PDZRN3: variants seen among roughly 807,000 people sequenced by gnomAD.
PDZRN3 encodes the protein PDZ domain containing ring finger 3.
PDZRN3 carries 38 observed loss-of-function variants against 85.7 expected under a neutral mutation model. That is an observed-to-expected ratio of 0.44 (90% CI 0.34 to 0.58). The LOEUF (loss-of-function observed/expected upper bound fraction) is 0.58, where lower values mean the gene tolerates loss of function less well. PDZRN3 is among the 20% of genes least tolerant of loss of function. The pLI, the probability that PDZRN3 is intolerant of heterozygous loss-of-function variation, is 0.01. For synonymous variants in PDZRN3, 759 were observed against 638.0 expected (o/e 1.19, Z -2.86); for missense variants, 1,629 against 1,506.4 (o/e 1.08, Z -1.35).
intron 3 of PDZRN3, among the ~76,000 whole-genome samples, chr3:73,599,418 G>A (rs1702478236): frequency 1.3e-5 from 2 of 152,196 alleles, no homozygotes; most frequent in Admixed American, 1.3e-4. Context: ...GTGGTTTCTA[G>A]GAGTTGAGGT....
At chr3:73,445,193 C>G (rs1354506628) in intron 3 of PDZRN3, among the ~76,000 whole-genome samples, 2 of 152,162 alleles carry the variant, frequency 1.3e-5, no homozygotes, top group African/African-American at 4.8e-5. Context: ...AGAAGTGGAT[C>G]TGGGAAACAC....
intron 3 of PDZRN3, among the ~76,000 whole-genome samples, chr3:73,431,109 A>G (rs997411678): frequency 1.3e-5 from 2 of 152,150 alleles, no homozygotes; most frequent in Non-Finnish European, 2.9e-5. Context: ...CTTCCTCCCT[A>G]TAGAAGTGTT....
chr3:73,592,647 C>T (rs1345558966), intron 3 of PDZRN3, among the ~76,000 whole-genome samples: 1 of 152,176 alleles, frequency 6.6e-6, no homozygotes, highest in Non-Finnish European at 1.5e-5. Context: ...TGGCACTTGG[C>T]ATGGCAGACT....
At chr3:73,552,889 A>G (rs994441718) in intron 3 of PDZRN3, among the ~76,000 whole-genome samples, 1 of 152,238 alleles carries the variant, frequency 6.6e-6, no homozygotes, top group Non-Finnish European at 1.5e-5. Flanking sequence ...GTGATGACTC[A>G]TCATGCAGCT....
chr3:73,390,919 A>AAGAG lies in PDZRN3; in HGVS notation c.1353+95_1353+98dup, dbSNP rs377358336. 150 of 739,102 alleles carry AAGAG rather than the reference A, an allele frequency of 2.0e-4. No homozygotes were observed. In the African/African-American group the frequency reaches 2.4e-3, roughly 12 times the overall value. The allele number at this position is 739,102 out of a possible 1,614,324, so 45.8% of individuals were successfully genotyped here. On this transcript the variant is annotated intron_variant, in intron 6 of 9. Coordinates refer to ENST00000263666, the MANE Select transcript of PDZRN3 (RefSeq NM_015009.3). ...GGACAGAATAATTTGTGTCTTTCCA[A>AAGAG]AGAGATCTTGATGAGGTGGGTTAGG...
intron 3 of PDZRN3, among the ~76,000 whole-genome samples, chr3:73,560,315 G>A (rs774631371): frequency 2.0e-5 from 3 of 152,064 alleles, no homozygotes; most frequent in Admixed American, 6.6e-5. Flanking sequence ...CCATTTTACC[G>A]ATGAAGAAAC....
intron 3 of PDZRN3, among the ~76,000 whole-genome samples, chr3:73,525,170 A>T (rs1195305104): frequency 6.6e-6 from 1 of 152,136 alleles, no homozygotes; most frequent in Non-Finnish European, 1.5e-5. Context: ...CCCTGTTAAA[A>T]GCAGAGCAAA....
At chr3:73,418,507 T>C (rs537193424) in intron 3 of PDZRN3, among the ~76,000 whole-genome samples, 9 of 152,312 alleles carry the variant, frequency 5.9e-5, no homozygotes, top group African/African-American at 2.2e-4. Flanking sequence ...ATTTTTAATA[T>C]AAGAGGAACC....
intron 3 of PDZRN3, among the ~76,000 whole-genome samples, chr3:73,425,604 A>G (rs1386463263): frequency 2.6e-5 from 4 of 152,018 alleles, no homozygotes; most frequent in Admixed American, 2.0e-4. Context: ...TAAGAAGAAA[A>G]AAAAAAAAAG....
At chr3:73,540,673 C>T (rs1280588300) in intron 3 of PDZRN3, among the ~76,000 whole-genome samples, 1 of 152,162 alleles carries the variant, frequency 6.6e-6, no homozygotes, top group Non-Finnish European at 1.5e-5. Flanking sequence ...TGTTTACCTC[C>T]CCTTTCACCA....
intron 3 of PDZRN3, among the ~76,000 whole-genome samples, chr3:73,528,684 C>A (rs1468279083): frequency 6.6e-6 from 1 of 151,866 alleles, no homozygotes; most frequent in Admixed American, 6.6e-5. Flanking sequence ...TTGTGAAGAT[C>A]AAAAAAAGTA....
intron 3 of PDZRN3, among the ~76,000 whole-genome samples, chr3:73,419,325 C>A (rs1400583150): frequency 6.6e-6 from 1 of 152,030 alleles, no homozygotes; most frequent in Non-Finnish European, 1.5e-5. Context: ...TCAGAGGGTA[C>A]AAGGAGATGA....
At chr3:73,614,826 TA>T (rs1185787447) in intron 1 of PDZRN3, among the ~76,000 whole-genome samples, 4 of 152,188 alleles carry the variant, frequency 2.6e-5, no homozygotes, top group African/African-American at 9.7e-5. Context: ...TCTTTGTAGT[TA>T]AAACTTTAAA....
intron 3 of PDZRN3, among the ~76,000 whole-genome samples, chr3:73,414,123 G>A (rs1702029616): frequency 6.6e-6 from 1 of 152,206 alleles, no homozygotes; most frequent in South Asian, 2.1e-4. Context: ...TGTCAGTCAT[G>A]TCTCAGAGTC....
chr3:73,624,048 G>GCCCC (rs756905705), intron 1 of PDZRN3, 55 bp downstream of exon 1: 209 of 1,379,358 alleles, frequency 1.5e-4, no homozygotes, highest in Non-Finnish European at 1.9e-4. Flanking sequence ...ATGGGGCGGG[G>GCCCC]CCCTGGGTCC....
intron 3 of PDZRN3, among the ~76,000 whole-genome samples, chr3:73,506,815 A>C (rs1230860668): frequency 6.6e-6 from 1 of 151,736 alleles, no homozygotes; most frequent in African/African-American, 2.4e-5. Context: ...TTGACGCAGG[A>C]GGATGGCTTG....
chr3:73,489,651 C>T (rs1160113299), intron 3 of PDZRN3, among the ~76,000 whole-genome samples: 1 of 125,258 alleles, frequency 8.0e-6, no homozygotes, highest in Non-Finnish European at 1.6e-5. Context: ...CGGCTCACTG[C>T]AACCTCCGCC....
At chr3:73,465,073 T>G (rs1407619088) in intron 3 of PDZRN3, among the ~76,000 whole-genome samples, 1 of 152,236 alleles carries the variant, frequency 6.6e-6, no homozygotes, top group Non-Finnish European at 1.5e-5. Flanking sequence ...CTAAGTTGTC[T>G]CTAGGTTGCT....
intron 3 of PDZRN3, among the ~76,000 whole-genome samples, chr3:73,527,302 G>A (rs1381608031): frequency 4.6e-5 from 7 of 152,234 alleles, no homozygotes; most frequent in Non-Finnish European, 1.0e-4. Context: ...CCTATCCTCC[G>A]CATAGGATAT....
Sources: gnomAD v4.1 joint callset for allele counts (sites outside exome capture counted in the v4.1 genomes callset) on GRCh38, gnomAD v4.1.1 for gene constraint, MANE v1.5 for transcripts, NCBI Gene and HGNC (gene_info 2026-07-23, HGNC 2026-07-21) for gene names.